Variants in PCDH7 observed in about 807,000 individuals in gnomAD.
The protein encoded by PCDH7 is protocadherin-7.
PCDH7 carries 17 observed loss-of-function variants against 58.9 expected under a neutral mutation model. The observed-to-expected ratio is 0.29, with a 90% CI of 0.20 to 0.43. PCDH7 has a LOEUF of 0.43. Ranked by LOEUF, PCDH7 falls within the 20% of genes least tolerant of loss-of-function variation. PCDH7 has a pLI of 1.00. For missense variants in PCDH7, 1,274 were observed against 1,441.0 expected, an observed-to-expected ratio of 0.88 and a Z score of 1.88; for synonymous variants, 664 against 616.4, an observed-to-expected ratio of 1.08 and a Z score of -1.14.
At chr4:30,761,787 A>G (rs1720063367) in intron 1 of PCDH7, among the ~76,000 whole-genome samples, 1 of 152,222 alleles carries the variant, frequency 6.6e-6, no homozygotes, top group Admixed American at 6.5e-5. Context: ...TAAAATGAAT[A>G]ATATAAAATC....
At chr4:30,914,944 AAC>A (rs1235961044) in intron 1 of PCDH7, among the ~76,000 whole-genome samples, 3 of 152,098 alleles carry the variant, frequency 2.0e-5, no homozygotes, top group African/African-American at 7.2e-5. Context: ...TTTCCCATTA[AAC>A]ACACATACAC....
At chr4:30,999,240 T>C (rs764558315) in intron 3 of PCDH7, among the ~76,000 whole-genome samples, 1 of 152,118 alleles carries the variant, frequency 6.6e-6, no homozygotes, top group Admixed American at 6.5e-5. Flanking sequence ...TGTTTTTTGT[T>C]TCCCCTCCTT....
chr4:30,978,121 T>C (rs1410909942), intron 3 of PCDH7, among the ~76,000 whole-genome samples: 1 of 152,206 alleles, frequency 6.6e-6, no homozygotes, highest in African/African-American at 2.4e-5. Flanking sequence ...AGGAACATTC[T>C]GTTAAAAATC....
intron 3 of PCDH7, among the ~76,000 whole-genome samples, chr4:31,011,879 A>C (rs1753214564): frequency 6.6e-6 from 1 of 152,046 alleles, no homozygotes; most frequent in Non-Finnish European, 1.5e-5. Context: ...TTTAAGGTCT[A>C]CTTTTCTAAT....
At chr4:30,781,450 C>T (rs535822298) in intron 1 of PCDH7, among the ~76,000 whole-genome samples, 2 of 150,634 alleles carry the variant, frequency 1.3e-5, no homozygotes, top group Non-Finnish European at 3.0e-5. Flanking sequence ...CCAAGGCATT[C>T]TTTTGTAAGT....
rs188196911 is a variant in PCDH7 at position 30,784,622 on chromosome 4, T to A, written c.70+60026T>A. Among the ~76,000 whole-genome samples, 613 of 152,152 alleles carry A rather than the reference T, an allele frequency of 4.0e-3. 7 individuals carry two copies. The highest frequency in any genetic ancestry group is 0.013 in the African/African-American group (529 of 41,514). On this transcript the variant is annotated intron_variant, in intron 1 of 3. Coordinates refer to the PCDH7 transcript ENST00000509759. The stretch of plus-strand genomic sequence containing the variant: ...TGACACCTATAATTTCCTATTTTTT[T>A]AAAAAAATGTTTTTCCTATCTATTC...
chr4:30,804,921 T>G (rs1333537391), intron 1 of PCDH7, among the ~76,000 whole-genome samples: 1 of 152,194 alleles, frequency 6.6e-6, no homozygotes, highest in East Asian at 1.9e-4. Flanking sequence ...TCTTAAGGTC[T>G]CCTTAATTGA....
At chr4:30,729,837 T>G (rs1201599880) in intron 1 of PCDH7, among the ~76,000 whole-genome samples, 1 of 152,032 alleles carries the variant, frequency 6.6e-6, no homozygotes, top group African/African-American at 2.4e-5. Flanking sequence ...TTTAGAAGAA[T>G]ATGACATTTT....
exon 2 of PCDH7, chr4:30,730,976 G>A (rs912137984): frequency 1.0e-5 from 13 of 1,266,824 alleles, no homozygotes; most frequent in Non-Finnish European, 1.3e-5. Context: ...TAAAATAAAT[G>A]TATGAAACAG....
At chr4:30,727,344 G>T (rs944313110) in intron 1 of PCDH7, among the ~76,000 whole-genome samples, 2 of 151,878 alleles carry the variant, frequency 1.3e-5, no homozygotes, top group African/African-American at 4.8e-5. Flanking sequence ...TTGTAGAAAT[G>T]AAAGTTTGTA....
At chr4:31,100,477 A>C (rs1021777464) in intron 3 of PCDH7, among the ~76,000 whole-genome samples, 4 of 152,222 alleles carry the variant, frequency 2.6e-5, no homozygotes, top group African/African-American at 9.6e-5. Context: ...AGGATGAGGA[A>C]AATCCTGATA....
intron 3 of PCDH7, among the ~76,000 whole-genome samples, chr4:31,117,434 A>T (rs1578843015): frequency 6.6e-6 from 1 of 152,074 alleles, no homozygotes; most frequent in Non-Finnish European, 1.5e-5. Context: ...TATTTGAAGC[A>T]TTTGACAGAA....
chr4:31,108,823 A>G (rs576904404), intron 3 of PCDH7, among the ~76,000 whole-genome samples: 37 of 152,176 alleles, frequency 2.4e-4, no homozygotes, highest in Non-Finnish European at 4.6e-4. Flanking sequence ...ACTATCAGCC[A>G]TTGCTGTGCA....
intron 3 of PCDH7, among the ~76,000 whole-genome samples, chr4:31,040,800 T>C (rs1273967431): frequency 6.6e-6 from 1 of 152,184 alleles, no homozygotes; most frequent in African/African-American, 2.4e-5. Flanking sequence ...CCCTCTGGCA[T>C]ATTTTGTTGG....
At chr4:30,809,584 G>A (rs973279631) in intron 1 of PCDH7, among the ~76,000 whole-genome samples, 1 of 152,076 alleles carries the variant, frequency 6.6e-6, no homozygotes, top group Non-Finnish European at 1.5e-5. Flanking sequence ...TTCTGAAATA[G>A]GACAACAATG....
At chr4:30,898,763 T>C (rs1458938008) in intron 1 of PCDH7, among the ~76,000 whole-genome samples, 1 of 152,150 alleles carries the variant, frequency 6.6e-6, no homozygotes, top group East Asian at 1.9e-4. Flanking sequence ...GCTAATTTTT[T>C]TGTATTTTTA....
chr4:31,039,375 G>A (rs1560595518), intron 3 of PCDH7, among the ~76,000 whole-genome samples: 1 of 152,152 alleles, frequency 6.6e-6, no homozygotes, highest in African/African-American at 2.4e-5. Context: ...ACAGTTTATA[G>A]TGTTGTTGTT....
At chr4:30,960,005 A>G (rs1418925175) in intron 3 of PCDH7, among the ~76,000 whole-genome samples, 1 of 151,750 alleles carries the variant, frequency 6.6e-6, no homozygotes, top group African/African-American at 2.4e-5. Context: ...CACCTGTGAA[A>G]TTATAATACA....
intron 1 of PCDH7, among the ~76,000 whole-genome samples, chr4:30,819,384 G>T (rs1490511624): frequency 6.6e-6 from 1 of 152,000 alleles, no homozygotes; most frequent in African/African-American, 2.4e-5. Context: ...TTACATGAAG[G>T]CTCTATTTAA....
Sources: gnomAD v4.1 joint callset for allele counts (sites outside exome capture counted in the v4.1 genomes callset) on GRCh38, gnomAD v4.1.1 for gene constraint, MANE v1.5 for transcripts, NCBI Gene and HGNC (gene_info 2026-07-23, HGNC 2026-07-21) for gene names.